HMGCLL1: variants seen among roughly 807,000 people sequenced by gnomAD.
The protein encoded by HMGCLL1 is 3-hydroxy-3-methylglutaryl-CoA lyase like 1.
Under a neutral mutation model 39.1 loss-of-function variants are expected in HMGCLL1, and 36 were observed. The observed-to-expected ratio is 0.92, with a 90% CI of 0.71 to 1.22. The LOEUF (loss-of-function observed/expected upper bound fraction) is 1.22, where lower values mean the gene tolerates loss of function less well. Ranked by LOEUF, HMGCLL1 falls within the 50% of genes most tolerant of loss-of-function variation. The pLI is 0.00. For missense variants in HMGCLL1, 451 were observed against 416.5 expected, an observed-to-expected ratio of 1.08 and a Z score of -0.72; for synonymous variants, 149 against 144.0, an observed-to-expected ratio of 1.03 and a Z score of -0.25.
the HMGCLL1 span, among the ~76,000 whole-genome samples, chr6:55,612,641 A>G: frequency 6.6e-6 from 1 of 152,170 alleles, no homozygotes; most frequent in African/African-American, 2.4e-5. Flanking sequence ...CTCAGAAATA[A>G]GACCACACAT....
chr6:55,449,422 A>G (rs1341689544), intron 7 of HMGCLL1, among the ~76,000 whole-genome samples: 2 of 152,216 alleles, frequency 1.3e-5, no homozygotes, highest in African/African-American at 4.8e-5. Context: ...GAGTTCCTCA[A>G]TGACCACTTG....
intron 3 of HMGCLL1, among the ~76,000 whole-genome samples, chr6:55,525,324 T>A (rs148058875): frequency 4.2e-4 from 64 of 152,048 alleles, no homozygotes; most frequent in Non-Finnish European, 8.4e-4. Flanking sequence ...AAAAGGGGGA[T>A]TTTTAAAGTC....
At chr6:55,494,894 A>G (rs1766494955) in intron 7 of HMGCLL1, among the ~76,000 whole-genome samples, 1 of 152,228 alleles carries the variant, frequency 6.6e-6, no homozygotes, top group African/African-American at 2.4e-5. Flanking sequence ...TCACTTTATC[A>G]TATAATGGAA....
the HMGCLL1 span, among the ~76,000 whole-genome samples, chr6:55,675,138 T>C: frequency 8.9e-3 from 1,357 of 152,240 alleles, 17 homozygotes; most frequent in African/African-American, 0.031. Context: ...AAAAGTTCCA[T>C]GTAAACATGG....
At chr6:55,634,624 C>T in the HMGCLL1 span, among the ~76,000 whole-genome samples, 4 of 152,068 alleles carry the variant, frequency 2.6e-5, no homozygotes, top group Non-Finnish European at 2.9e-5. Context: ...ATATCTTTCC[C>T]ACATAGATCA....
chr6:55,611,341 A>T, the HMGCLL1 span, among the ~76,000 whole-genome samples: 1 of 152,130 alleles, frequency 6.6e-6, no homozygotes, highest in Non-Finnish European at 1.5e-5. Context: ...TAACATCACA[A>T]CTAAAAGGAC....
intron 7 of HMGCLL1, among the ~76,000 whole-genome samples, chr6:55,483,318 T>G (rs1765838776): frequency 6.6e-6 from 1 of 152,162 alleles, no homozygotes; most frequent in African/African-American, 2.4e-5. Context: ...CAGGCTGGAG[T>G]GCAGTGGCAC....
At chr6:55,574,123 G>GTA (rs139901730) in intron 1 of HMGCLL1, among the ~76,000 whole-genome samples, 9 of 151,638 alleles carry the variant, frequency 5.9e-5, no homozygotes, top group South Asian at 2.1e-4. Context: ...ATGTGTGTGT[G>GTA]TATATATATA....
intron 1 of HMGCLL1, among the ~76,000 whole-genome samples, chr6:55,542,857 ATATT>A (rs1368672053): frequency 7.3e-4 from 100 of 137,408 alleles, no homozygotes; most frequent in Non-Finnish European, 1.3e-3. Flanking sequence ...AAATATATAT[ATATT>A]TATATATTTT....
Position 55,435,360 on chromosome 6 carries a change from C to T in HMGCLL1, c.*302G>A, listed in dbSNP as rs1007763053. On this transcript the variant is annotated 3_prime_UTR_variant, in exon 9 of 9. Coordinates refer to ENST00000274901, the MANE Select transcript of HMGCLL1 (RefSeq NM_001042406.2). ...ACAGTATTTGATACTTGGGGAAATACGAAGTCAATTTTCCCATCTACTAAA... is the reference window on the plus strand; with the variant it reads ...ACAGTATTTGATACTTGGGGAAATATGAAGTCAATTTTCCCATCTACTAAA... The T allele has an allele frequency of 2.7e-5, 6 of 223,682 alleles. No homozygotes were observed. The highest frequency in any genetic ancestry group is 1.6e-4 in the South Asian group (2 of 12,464). 13.9% of individuals were successfully genotyped at this position (223,682 alleles called of 1,614,324 possible). A position where few individuals can be genotyped will look rare whatever the true frequency, so the allele number is the denominator to read the frequency against.
At chr6:55,630,544 A>C in the HMGCLL1 span, among the ~76,000 whole-genome samples, 28 of 152,034 alleles carry the variant, frequency 1.8e-4, no homozygotes, top group Admixed American at 1.7e-3. Context: ...ATGTGAGGAC[A>C]TGAGATTTGG....
chr6:55,585,698 T>C, the HMGCLL1 span, among the ~76,000 whole-genome samples: 1 of 152,078 alleles, frequency 6.6e-6, no homozygotes, highest in Non-Finnish European at 1.5e-5. Context: ...AATTCATCCA[T>C]TTTTAAGAAG....
At chr6:55,665,196 G>A in the HMGCLL1 span, among the ~76,000 whole-genome samples, 1 of 151,604 alleles carries the variant, frequency 6.6e-6, no homozygotes, top group Non-Finnish European at 1.5e-5. Context: ...TCTCGATAAT[G>A]CAAGAAAATT....
chr6:55,586,382 A>G, the HMGCLL1 span, among the ~76,000 whole-genome samples: 1 of 129,636 alleles, frequency 7.7e-6, no homozygotes, highest in African/African-American at 3.1e-5. Context: ...AAAAACTAAC[A>G]AAACATGGAA....
chr6:55,491,928 TAA>T (rs536222939), intron 7 of HMGCLL1, among the ~76,000 whole-genome samples: 1 of 149,214 alleles, frequency 6.7e-6, no homozygotes, highest in African/African-American at 2.5e-5. Context: ...ATTTAAGTAA[TAA>T]AAAAAAAATA....
chr6:55,659,151 G>A, the HMGCLL1 span, among the ~76,000 whole-genome samples: 1 of 151,894 alleles, frequency 6.6e-6, no homozygotes, highest in African/African-American at 2.4e-5. Context: ...TAACAAGAGA[G>A]GGAGAAAGGT....
chr6:55,443,537 A>G (rs914731051), intron 7 of HMGCLL1, among the ~76,000 whole-genome samples: 5 of 152,140 alleles, frequency 3.3e-5, no homozygotes, highest in Admixed American at 3.3e-4. Flanking sequence ...TCATTCTTCT[A>G]TTTTGTAACT....
chr6:55,660,493 T>C, the HMGCLL1 span, among the ~76,000 whole-genome samples: 1 of 151,912 alleles, frequency 6.6e-6, no homozygotes, highest in Non-Finnish European at 1.5e-5. Context: ...CCTGTGTTAG[T>C]TGCTAAGAAT....
At chr6:55,657,989 C>T in the HMGCLL1 span, among the ~76,000 whole-genome samples, 1 of 151,856 alleles carries the variant, frequency 6.6e-6, no homozygotes, top group East Asian at 1.9e-4. Flanking sequence ...ATGAAATAAT[C>T]TGTACAACAA....
Sources: allele counts gnomAD v4.1 joint callset (sites outside exome capture counted in the v4.1 genomes callset), GRCh38; gene constraint gnomAD v4.1.1; transcripts MANE v1.5; gene names NCBI Gene and HGNC (gene_info 2026-07-23, HGNC 2026-07-21).